ANKS1B: variants seen among roughly 807,000 people sequenced by gnomAD.
ANKS1B encodes the protein ankyrin repeat and sterile alpha motif domain-containing protein 1B.
A neutral mutation model predicts 148.3 loss-of-function variants in ANKS1B; 36 were observed. That is an observed-to-expected ratio of 0.24 (90% CI 0.19 to 0.32). The LOEUF is 0.32. ANKS1B is among the 10% of genes least tolerant of loss of function. The pLI is 1.00. For missense variants in ANKS1B, 1,157 were observed against 1,542.6 expected (o/e 0.75, Z 4.19); for synonymous variants, 542 against 560.8 (o/e 0.97, Z 0.47).
intron 17 of ANKS1B, among the ~76,000 whole-genome samples, chr12:99,005,727 G>T (rs2099935784): frequency 6.6e-6 from 1 of 152,054 alleles, no homozygotes; most frequent in African/African-American, 2.4e-5. Context: ...GTTGCCCTTG[G>T]GCTTTCTCAG....
At chr12:99,962,972 C>A (rs927162282) in intron 1 of ANKS1B, among the ~76,000 whole-genome samples, 2 of 152,162 alleles carry the variant, frequency 1.3e-5, no homozygotes, top group African/African-American at 4.8e-5. Flanking sequence ...CACCACCACA[C>A]CCGGAGAATT....
chr12:99,114,991 G>T (rs1461873272), intron 15 of ANKS1B, among the ~76,000 whole-genome samples: 1 of 152,144 alleles, frequency 6.6e-6, no homozygotes. Context: ...CGCTGGTGAG[G>T]TTGCAGAGAA....
intron 17 of ANKS1B, among the ~76,000 whole-genome samples, chr12:98,913,833 G>A (rs2099790203): frequency 6.6e-6 from 1 of 152,174 alleles, no homozygotes; most frequent in African/African-American, 2.4e-5. Flanking sequence ...GTTTTGCCAT[G>A]TTGGCCAGGC....
chr12:99,816,921 T>C (rs1394820351), intron 2 of ANKS1B, among the ~76,000 whole-genome samples: 2 of 151,692 alleles, frequency 1.3e-5, no homozygotes, highest in Non-Finnish European at 3.0e-5. Flanking sequence ...GTTGTATATA[T>C]TTTGGGGATG....
At chr12:99,016,725 G>A (rs139851262) in intron 17 of ANKS1B, among the ~76,000 whole-genome samples, 3 of 152,194 alleles carry the variant, frequency 2.0e-5, no homozygotes, top group East Asian at 3.9e-4. Context: ...AACCATACTC[G>A]AAGCCTCTCT....
chr12:98,982,068 T>A (rs2153230881), intron 17 of ANKS1B, among the ~76,000 whole-genome samples: 1 of 152,282 alleles, frequency 6.6e-6, no homozygotes, highest in African/African-American at 2.4e-5. Flanking sequence ...AAAAAGAAAT[T>A]GGGTATTTCA....
intron 12 of ANKS1B, among the ~76,000 whole-genome samples, chr12:99,352,988 T>C (rs1271235906): frequency 1.3e-5 from 2 of 152,038 alleles, no homozygotes; most frequent in Non-Finnish European, 2.9e-5. Flanking sequence ...GTAATTCAAA[T>C]TGTAATTAGA....
At chr12:99,459,210 A>G (rs1007831803) in intron 10 of ANKS1B, among the ~76,000 whole-genome samples, 1 of 152,170 alleles carries the variant, frequency 6.6e-6, no homozygotes, top group Non-Finnish European at 1.5e-5. Context: ...GAAATCCAGC[A>G]TCCCTTTATG....
In ANKS1B at chr12:98,850,459, A is replaced by ATTTTTTTTTT. The variant is rs59294440; in HGVS notation, c.2779-18333_2779-18324dup. ...TTGATGGAGACCAGAGAAGCATTGC[A>ATTTTTTTTTT]TTTTTTTTTTTTTTTTTTTTTTTTT... On this transcript the variant is annotated intron_variant, in intron 17 of 26. Transcript: ENST00000683438. Among the ~76,000 whole-genome samples, 18 of 70,512 alleles carry ATTTTTTTTTT rather than the reference A, an allele frequency of 2.6e-4. 3 individuals are homozygous for ATTTTTTTTTT. Among genetic ancestry groups the ATTTTTTTTTT allele is most frequent in the Non-Finnish European group, 3.9e-4 (16 of 40,522 alleles). The allele number at this position is 70,512 out of a possible 152,430, so 46.3% of individuals were successfully genotyped here.
intron 17 of ANKS1B, among the ~76,000 whole-genome samples, chr12:98,840,887 T>C (rs1055261241): frequency 6.6e-6 from 1 of 152,140 alleles, no homozygotes; most frequent in African/African-American, 2.4e-5. Flanking sequence ...AACCCAATCA[T>C]TGGGGTTATT....
At chr12:99,834,371 T>C (rs547154758) in intron 1 of ANKS1B, among the ~76,000 whole-genome samples, 140 of 152,342 alleles carry the variant, frequency 9.2e-4, no homozygotes, top group Non-Finnish European at 1.7e-3. Context: ...TTCTTATGCC[T>C]ACTTGTCAAT....
intron 12 of ANKS1B, among the ~76,000 whole-genome samples, chr12:99,367,914 T>A (rs554587191): frequency 1.3e-5 from 2 of 152,252 alleles, no homozygotes; most frequent in African/African-American, 4.8e-5. Flanking sequence ...TTTATATAAT[T>A]TTGACATCTG....
intron 14 of ANKS1B, among the ~76,000 whole-genome samples, chr12:99,191,590 A>G (rs1012480171): frequency 3.1e-4 from 47 of 150,222 alleles, no homozygotes; most frequent in African/African-American, 1.2e-3. Context: ...AAACTAACAC[A>G]AGAACAGAAA....
At chr12:99,331,434 T>C (rs2087534325) in intron 12 of ANKS1B, among the ~76,000 whole-genome samples, 1 of 151,954 alleles carries the variant, frequency 6.6e-6, no homozygotes, top group African/African-American at 2.4e-5. Context: ...GCCAGCCAAA[T>C]CTCCGTTTCT....
chr12:99,041,959 C>T (rs947492968), intron 17 of ANKS1B, among the ~76,000 whole-genome samples: 2 of 152,100 alleles, frequency 1.3e-5, no homozygotes, highest in African/African-American at 2.4e-5. Flanking sequence ...CTTGATTGCA[C>T]CACTGCACTC....
chr12:99,274,386 T>C (rs186818831), intron 12 of ANKS1B, among the ~76,000 whole-genome samples: 1 of 152,306 alleles, frequency 6.6e-6, no homozygotes, highest in Admixed American at 6.5e-5. Flanking sequence ...GGTGGCACTT[T>C]CAATAATCTG....
chr12:99,305,851 G>A (rs2082268166), intron 12 of ANKS1B, among the ~76,000 whole-genome samples: 3 of 152,262 alleles, frequency 2.0e-5, no homozygotes, highest in South Asian at 2.1e-4. Flanking sequence ...TCAGACTCCA[G>A]TAATGGAGAA....
chr12:99,126,149 G>A (rs1256979981), intron 15 of ANKS1B, among the ~76,000 whole-genome samples: 1 of 152,142 alleles, frequency 6.6e-6, no homozygotes, highest in Non-Finnish European at 1.5e-5. Flanking sequence ...GACTTTATGG[G>A]CTTAATAAAA....
chr12:99,298,442 T>C (rs1398601877), intron 12 of ANKS1B, among the ~76,000 whole-genome samples: 2 of 152,184 alleles, frequency 1.3e-5, no homozygotes, highest in Non-Finnish European at 2.9e-5. Flanking sequence ...GTATCTTGCT[T>C]CCCCTTTGCC....
Sources: allele counts gnomAD v4.1 joint callset (sites outside exome capture counted in the v4.1 genomes callset), GRCh38; gene constraint gnomAD v4.1.1; transcripts MANE v1.5; gene names NCBI Gene and HGNC (gene_info 2026-07-23, HGNC 2026-07-21).